The following SENP5 variants were observed in gnomAD, a reference collection of about 807,000 sequenced individuals.
The protein encoded by SENP5 is SUMO specific peptidase 5, also known as sentrin-specific protease 5.
Under a neutral mutation model 74.2 loss-of-function variants are expected in SENP5, and 21 were observed. That is an observed-to-expected ratio of 0.28 (90% CI 0.20 to 0.41). The LOEUF is 0.41. Among genes scored for constraint, SENP5 ranks in the 10% least tolerant of loss-of-function variants. SENP5 has a pLI of 1.00. For missense variants in SENP5, 717 were observed against 889.1 expected, an observed-to-expected ratio of 0.81 and a Z score of 2.46; for synonymous variants, 311 against 312.7, an observed-to-expected ratio of 0.99 and a Z score of 0.06.
At chr3:196,874,004 G>T (rs1424960556) in intron 1 of SENP5, among the ~76,000 whole-genome samples, 3 of 151,574 alleles carry the variant, frequency 2.0e-5, no homozygotes, top group African/African-American at 7.3e-5. Context: ...TGCCTGGCTG[G>T]TTTTTTCTTT....
intron 1 of SENP5, among the ~76,000 whole-genome samples, chr3:196,880,748 T>C (rs1349720576): frequency 6.7e-6 from 1 of 148,906 alleles, no homozygotes; most frequent in Admixed American, 6.9e-5. Flanking sequence ...TTCAAGCAAT[T>C]CTCCTGCCTC....
rs112820113 is a variant in SENP5, at chr3:196,904,132, A to G, written c.1884+522A>G. ...TTTCCAAAAACCATGTACCTAATTTACTATGTATGATGTACTCTAGTCAGA... is the reference window on the plus strand; with the variant it reads ...TTTCCAAAAACCATGTACCTAATTTGCTATGTATGATGTACTCTAGTCAGA... On this transcript the variant is annotated intron_variant, in intron 6 of 9. Transcript: ENST00000323460. Among the ~76,000 whole-genome samples, 8 of 152,368 alleles carry G rather than the reference A, an allele frequency of 5.3e-5. 1 individual carries two copies. The highest frequency in any genetic ancestry group is 1.9e-4 in the African/African-American group (8 of 41,588).
At chr3:196,886,967 CATTATT>C (rs1337539800) in intron 2 of SENP5, among the ~76,000 whole-genome samples, 1 of 152,070 alleles carries the variant, frequency 6.6e-6, no homozygotes. Flanking sequence ...GCTAAATTCT[CATTATT>C]AGAATTGATG....
chr3:196,911,905 C>G (rs1347005053), intron 6 of SENP5, among the ~76,000 whole-genome samples: 2 of 152,114 alleles, frequency 1.3e-5, no homozygotes, highest in East Asian at 3.8e-4. Flanking sequence ...TCAGAAATGA[C>G]AATTATTAAA....
In SENP5 at chr3:196,906,425, C is replaced by T. The variant is rs576131233; in HGVS notation, c.1884+2815C>T. 3.9e-5 allele frequency among the ~76,000 whole-genome samples: 6 copies of T among 152,174 alleles called. No homozygotes were observed. In the Middle Eastern group the frequency reaches 0.014, roughly 345 times the overall value. On this transcript the variant is annotated intron_variant, in intron 6 of 9. Transcript: ENST00000323460. ...AGTCTAGTGGTGGAGACAGCACCTA[C>T]CACAGTTTGTATTTATATTTTTGGT...
At chr3:196,919,887 T>G (rs1256761365) in intron 6 of SENP5, among the ~76,000 whole-genome samples, 1 of 152,180 alleles carries the variant, frequency 6.6e-6, no homozygotes, top group Non-Finnish European at 1.5e-5. Context: ...GAAAGTCAAC[T>G]GATCATATAT....
intron 6 of SENP5, among the ~76,000 whole-genome samples, chr3:196,907,245 A>G (rs1714939150): frequency 6.6e-6 from 1 of 152,180 alleles, no homozygotes; most frequent in Non-Finnish European, 1.5e-5. Context: ...GGGCCGAGGC[A>G]GGCGGATCAC....
intron 2 of SENP5, among the ~76,000 whole-genome samples, chr3:196,895,807 C>T (rs2108830567): frequency 6.6e-6 from 1 of 152,280 alleles, no homozygotes; most frequent in South Asian, 2.1e-4. Context: ...CAGGCATGAG[C>T]CACCGTGCCT....
At chr3:196,922,985 T>C (rs1340653433) in intron 6 of SENP5, among the ~76,000 whole-genome samples, 1 of 152,138 alleles carries the variant, frequency 6.6e-6, no homozygotes, top group Admixed American at 6.6e-5. Context: ...ACTCCTGGGC[T>C]CAAGCAGTTT....
At chr3:196,881,583 T>C (rs779752163) in intron 1 of SENP5, among the ~76,000 whole-genome samples, 1 of 152,192 alleles carries the variant, frequency 6.6e-6, no homozygotes, top group Non-Finnish European at 1.5e-5. Context: ...TGTCTCCTTA[T>C]GTATTTTTCC....
rs528314332 is a variant in SENP5, at chr3:196,875,868, C to T, written c.-32+7795C>T. Among the ~76,000 whole-genome samples the T allele has an allele frequency of 9.9e-5, 15 of 152,184 alleles. No homozygotes were observed. In the South Asian group the frequency reaches 2.9e-3, roughly 30 times the overall value. On this transcript the variant is annotated intron_variant, in intron 1 of 9. Coordinates refer to ENST00000323460, the MANE Select transcript of SENP5 (RefSeq NM_152699.5). ...CCTCACCCTCCTGAGTAGATGGGAA[C>T]ACAGGCATGTACCACCACTTTTGGC...
At chr3:196,894,137 T>TC (rs1491411882) in intron 2 of SENP5, among the ~76,000 whole-genome samples, 1 of 105,016 alleles carries the variant, frequency 9.5e-6, no homozygotes, top group East Asian at 2.1e-4. Flanking sequence ...TTTTTTTTTT[T>TC]CTGGAGACAG....
rs556939642 is a variant in SENP5, at chr3:196,919,395, C to T, written c.1885-4019C>T. 2.0e-3 allele frequency among the ~76,000 whole-genome samples: 309 copies of T among 152,306 alleles called. 2 individuals carry two copies. The highest frequency in any genetic ancestry group is 7.5e-3 in the South Asian group (36 of 4,824). ...ATTCGGGAGGCTCAGGCAGAAGAAT[C>T]GCTTGAACCCTAGCAGCGGAGGTTT... On this transcript the variant is annotated intron_variant, in intron 6 of 9. Transcript: ENST00000323460.
At chr3:196,870,299 T>C (rs1713155787) in intron 1 of SENP5, among the ~76,000 whole-genome samples, 1 of 152,146 alleles carries the variant, frequency 6.6e-6, no homozygotes, top group South Asian at 2.1e-4. Flanking sequence ...TGGGCGTGGG[T>C]AATATTTTCA....
At chr3:196,872,451 T>G (rs4916567) in intron 1 of SENP5, among the ~76,000 whole-genome samples, 58,205 of 152,020 alleles carry the variant, frequency 0.38, 13,005 homozygotes, top group East Asian at 0.77. Context: ...CAGTCTGGCT[T>G]CTATACTTAG....
chr3:196,888,133 T>G (rs1175998010), intron 2 of SENP5, among the ~76,000 whole-genome samples: 1 of 152,228 alleles, frequency 6.6e-6, no homozygotes, highest in Non-Finnish European at 1.5e-5. Context: ...TTAAGAAGCC[T>G]TCTCTTGTCA....
At chr3:196,922,137 T>C (rs1056398765) in intron 6 of SENP5, among the ~76,000 whole-genome samples, 2 of 152,256 alleles carry the variant, frequency 1.3e-5, no homozygotes, top group Admixed American at 6.5e-5. Context: ...ATCATAATAA[T>C]AACTAAGGTA....
chr3:196,897,487 C>A (rs1483438997), intron 2 of SENP5, among the ~76,000 whole-genome samples: 1 of 152,200 alleles, frequency 6.6e-6, no homozygotes, highest in Non-Finnish European at 1.5e-5. Context: ...TTACTGTACC[C>A]TGACCTTTGC....
intron 3 of SENP5, 45 bp from the exon 4 acceptor site, chr3:196,899,879 A>C (rs1412472983): frequency 6.2e-7 from 1 of 1,602,260 alleles, no homozygotes; most frequent in East Asian, 2.2e-5. Flanking sequence ...ATTGAGAAGT[A>C]CTCATGTTTT....
Sources: gnomAD v4.1 joint callset for allele counts (sites outside exome capture counted in the v4.1 genomes callset) on GRCh38, gnomAD v4.1.1 for gene constraint, MANE v1.5 for transcripts, NCBI Gene and HGNC (gene_info 2026-07-23, HGNC 2026-07-21) for gene names.